Variants in COX6A1 observed in about 807,000 individuals in gnomAD.
The protein encoded by COX6A1 is cytochrome c oxidase subunit 6A1.
COX6A1 carries 10 observed loss-of-function variants against 11.3 expected under a neutral mutation model. The observed-to-expected ratio is 0.88, with a 90% CI of 0.54 to 1.50. COX6A1 has a LOEUF of 1.50. Among genes scored for constraint, COX6A1 ranks in the 40% most tolerant of loss-of-function variants. The pLI, the probability that COX6A1 is intolerant of heterozygous loss-of-function variation, is 0.00. For synonymous variants in COX6A1, 81 were observed against 60.6 expected, an observed-to-expected ratio of 1.34 and a Z score of -1.57; for missense variants, 149 against 147.6, an observed-to-expected ratio of 1.01 and a Z score of -0.05.
intron 2 of COX6A1, 117 bp from the exon 3 acceptor site, chr12:120,440,337 G>A: frequency 1.4e-6 from 1 of 715,266 alleles, no homozygotes; most frequent in South Asian, 1.8e-5. Flanking sequence ...AGTAGATAAA[G>A]GACTAATTTC....
rs1339043220 is a variant in COX6A1 at position 120,440,501 on chromosome 12, T to G, written c.294T>G (p.His98Gln). The G allele has an allele frequency of 3.1e-6, 5 of 1,613,266 alleles. No individual in the cohort carries two copies. Residue 98 changes from histidine (H) to glutamine (Q), a missense_variant, in exon 3 of 3, where the codon CAT becomes CAG. Coordinates refer to ENST00000229379, the MANE Select transcript of COX6A1 (RefSeq NM_004373.4). ...ACCATACTCTATTCCATAACCCTCA[T>G]GTGAATCCACTTCCAACTGGCTACG... is the stretch of plus-strand genomic sequence containing the variant. ...DGNHTLFHNP[H>Q]VNPLPTGYED...
At position 120,439,343 on chromosome 12, in the gene COX6A1, A is replaced by G. The variant is rs1039758403; in HGVS notation, c.246+822A>G. On this transcript the variant is annotated intron_variant, in intron 2 of 2. Coordinates refer to ENST00000229379, the MANE Select transcript of COX6A1 (RefSeq NM_004373.4). ...GGAGTTCAAGACCAGCCTCGTCAAC[A>G]TGGCGAAACACTATCTCTACTAAAA... Among the ~76,000 whole-genome samples, 3 of 152,158 alleles carry G rather than the reference A, an allele frequency of 2.0e-5. No homozygotes were observed. In the East Asian group the frequency reaches 5.8e-4, roughly 30 times the overall value.
intron 2 of COX6A1, 176 bp from the exon 3 acceptor site, chr12:120,440,278 C>T (rs748406008): frequency 3.7e-6 from 2 of 539,298 alleles, no homozygotes; most frequent in Non-Finnish European, 6.7e-6. Context: ...TAAGGGCTCC[C>T]CTGGTAGTTA....
intron 2 of COX6A1, chr12:120,438,874 C>G (rs1166833470): frequency 4.7e-6 from 1 of 213,546 alleles, no homozygotes; most frequent in Non-Finnish European, 8.9e-6. Context: ...TTTGGGAAAT[C>G]CAATTAGAGT....
In COX6A1 at chr12:120,438,596, C is replaced by T. The variant is rs1877632489; in HGVS notation, c.246+75C>T. On this transcript the variant is annotated intron_variant, in intron 2 of 2. Transcript: ENST00000229379. ...TGCCTTAGTGCAAGTTCTTCATTCT[C>T]TGAAGGCATGGGTGCCAGGCGTGTA... The T allele has an allele frequency of 1.9e-6, 3 of 1,597,782 alleles. No individual in the cohort carries two copies. In the Admixed American group the frequency reaches 5.0e-5, roughly 27 times the overall value.
chr12:120,438,730 G>T, intron 2 of COX6A1: 1 of 533,204 alleles, frequency 1.9e-6, no homozygotes, highest in Non-Finnish European at 3.3e-6. Flanking sequence ...CATACAATAA[G>T]TGCTCTTCAG....
intron 2 of COX6A1, 102 bp from the exon 3 acceptor site, chr12:120,440,352 T>G: frequency 1.2e-6 from 1 of 845,870 alleles, no homozygotes. Flanking sequence ...AATTTCCATT[T>G]TGTTTTTATA....
Position 120,438,400 on chromosome 12 carries a change from C to G in COX6A1, c.125C>G (p.Thr42Ser), listed in dbSNP as rs148139529. Residue 42 changes from threonine (T) to serine (S), a missense_variant, in exon 2 of 3, where the codon ACC becomes AGC. By Grantham distance (58) the Thr-to-Ser change is moderately conservative (BLOSUM62 1). Transcript: ENST00000229379. The part of the protein sequence containing the change: ...EGSARMWKTL[T>S]FFVALPGVAV... ...GCAGCTCGCATGTGGAAGACTCTCA[C>G]CTTCTTCGTCGCGCTCCCCGGGGTG... The G allele has an allele frequency of 6.2e-7, 1 of 1,614,224 alleles. No individual in the cohort carries two copies. The highest frequency in any genetic ancestry group is 1.7e-5 in the Admixed American group (1 of 60,016).
chr12:120,440,242 A>C (rs563295979), intron 2 of COX6A1: 7 of 463,376 alleles, frequency 1.5e-5, no homozygotes, highest in African/African-American at 1.4e-4. Flanking sequence ...TCTGGAATTA[A>C]AACTGTCCTG....
chr12:120,438,836 C>G (rs1877646029), intron 2 of COX6A1: 2 of 245,034 alleles, frequency 8.2e-6, no homozygotes, highest in Non-Finnish European at 1.4e-5. Context: ...AGTTCTGAAA[C>G]AGGTGTCCGT....
rs959317017 is a variant in COX6A1, at chr12:120,440,553, C to T, written c.*16C>T. On this transcript the variant is annotated 3_prime_UTR_variant, in exon 3 of 3. Coordinates refer to ENST00000229379, the MANE Select transcript of COX6A1 (RefSeq NM_004373.4). ...AGATGAATAAAGAGAATCTGGACCACTACCCGGGCACCAGGGACCACAGCA... is the reference window on the plus strand; with the variant it reads ...AGATGAATAAAGAGAATCTGGACCATTACCCGGGCACCAGGGACCACAGCA... 36 of 1,572,284 alleles carry T rather than the reference C, an allele frequency of 2.3e-5. No individual in the cohort carries two copies. Among genetic ancestry groups the T allele is most frequent in the Non-Finnish European group, 3.0e-5 (34 of 1,142,334 alleles).
At position 120,438,483 on chromosome 12, in the gene COX6A1, G is replaced by C; in HGVS notation, c.208G>C (p.Glu70Gln). 1.2e-6 allele frequency: 2 copies of C among 1,614,164 alleles called. No individual in the cohort carries two copies. The change falls in exon 2 of 3, where the codon GAG (glutamate) becomes CAG (glutamine). Residue 70 changes from glutamate (E) to glutamine (Q), a missense_variant. Physicochemically the swap from Glu to Gln is conservative, Grantham distance 29. Transcript: ENST00000229379. ...KSHHGEHERP[E>Q]FIAYPHLRIR... ...GCACCACGGAGAGCACGAGAGACCCGAGTTCATCGCCTACCCCCATCTCCG... is the reference window on the plus strand; with the variant it reads ...GCACCACGGAGAGCACGAGAGACCCCAGTTCATCGCCTACCCCCATCTCCG...
Position 120,440,660 on chromosome 12 carries a change from A to T in COX6A1, c.*123A>T. On this transcript the variant is annotated 3_prime_UTR_variant, in exon 3 of 3. Transcript: ENST00000229379. ...TCACCTTCTTTACTTGTATCAAATG[A>T]TGACTGGTATACTGGTCTCCCATCC... 4 of 665,748 alleles carry T rather than the reference A, an allele frequency of 6.0e-6. No individual in the cohort carries two copies. In the South Asian group the frequency reaches 7.4e-5, roughly 12 times the overall value. 41.2% of individuals were successfully genotyped at this position (665,748 alleles called of 1,614,324 possible). A position where few individuals can be genotyped will look rare whatever the true frequency, so the allele number is the denominator to read the frequency against.
In COX6A1 at chr12:120,438,536, A is replaced by C; in HGVS notation, c.246+15A>C. ...TCAGGACCAAGGTACGCCCTTGTAC[A>C]TCTCTTCAAGCGTCCGTTCTCTTTT... On this transcript the variant is annotated intron_variant, in intron 2 of 2. Transcript: ENST00000229379. The C allele has an allele frequency of 1.9e-6, 3 of 1,614,136 alleles. No individual in the cohort carries two copies. Among genetic ancestry groups the C allele is most frequent in the Non-Finnish European group, 1.7e-6 (2 of 1,180,026 alleles).
In COX6A1 at chr12:120,438,153, T is replaced by G. The variant is rs753369445; in HGVS notation, c.27T>G (p.Val9=). MAVVGVSS[V]SRLLGRSRPQ... is the part of the protein sequence containing the mutation. ...TGGCGGTAGTTGGTGTGTCCTCGGTTTCTCGGCTGCTGGGTCGGTCCCGCC... is the reference window on the plus strand; with the variant it reads ...TGGCGGTAGTTGGTGTGTCCTCGGTGTCTCGGCTGCTGGGTCGGTCCCGCC... Residue 9 remains valine (V), a synonymous_variant, in exon 1 of 3, where the codon GTT becomes GTG. Coordinates refer to ENST00000229379, the MANE Select transcript of COX6A1 (RefSeq NM_004373.4). 7 of 1,613,706 alleles carry G rather than the reference T, an allele frequency of 4.3e-6. No homozygotes were observed. The highest frequency in any genetic ancestry group is 5.9e-6 in the Non-Finnish European group (7 of 1,179,904).
chr12:120,440,383 T>C (rs1592977728), intron 2 of COX6A1, 71 bp from the exon 3 acceptor site: 6 of 1,199,900 alleles, frequency 5.0e-6, no homozygotes, highest in East Asian at 2.3e-5. Flanking sequence ...CACCCCGTTA[T>C]AAGCAGTTCA....
intron 1 of COX6A1, 65 bp from the exon 2 acceptor site, chr12:120,438,314 C>A: frequency 6.2e-7 from 1 of 1,613,324 alleles, no homozygotes. Context: ...CGAGGCCTTG[C>A]GGGAGGGAAA....
chr12:120,438,463 A>G lies in COX6A1; in HGVS notation c.188A>G (p.His63Arg). ...CTGAATGTGTACCTGAAGTCGCACC[A>G]CGGAGAGCACGAGAGACCCGAGTTC... Reference protein sequence around the residue: ...SMLNVYLKSHHGEHERPEFIA... With the variant: ...SMLNVYLKSHRGEHERPEFIA... The change falls in exon 2 of 3, where the codon CAC becomes CGC. Residue 63 changes from histidine to arginine, a missense_variant. By Grantham distance (29) the His-to-Arg change is conservative. Transcript: ENST00000229379. The G allele has an allele frequency of 6.2e-7, 1 of 1,614,156 alleles. No individual in the cohort carries two copies. Among genetic ancestry groups the G allele is most frequent in the South Asian group, 1.1e-5 (1 of 91,086 alleles).
intron 2 of COX6A1, 47 bp from the exon 3 acceptor site, chr12:120,440,407 T>C (rs1325064725): frequency 6.8e-7 from 1 of 1,464,892 alleles, no homozygotes; most frequent in Admixed American, 1.7e-5. Flanking sequence ...CGGTGTTCTT[T>C]CTAAATTATT....
Sources: allele counts gnomAD v4.1 joint callset (sites outside exome capture counted in the v4.1 genomes callset), GRCh38; gene constraint gnomAD v4.1.1; transcripts MANE v1.5; gene names NCBI Gene and HGNC (gene_info 2026-07-23, HGNC 2026-07-21).